The following BMERB1 variants were observed in gnomAD, a reference collection of about 807,000 sequenced individuals.
BMERB1 encodes the protein bMERB domain containing 1, also known as bMERB domain-containing protein 1.
In BMERB1, 12 loss-of-function variants were observed where a neutral mutation model predicts 23.6. The ratio of observed to expected loss-of-function variants is 0.51; its 90% CI spans 0.33 to 0.82. BMERB1 has a LOEUF of 0.82. BMERB1 is among the 40% of genes least tolerant of loss of function. The pLI is 0.03. For synonymous variants in BMERB1, 122 were observed against 96.6 expected, an observed-to-expected ratio of 1.26 and a Z score of -1.54; for missense variants, 247 against 255.4, an observed-to-expected ratio of 0.97 and a Z score of 0.22.
At chr16:15,512,012 C>CAAAAAAA (rs57021793) in intron 1 of BMERB1, among the ~76,000 whole-genome samples, 2,522 of 60,962 alleles carry the variant, frequency 0.041, 231 homozygotes, top group East Asian at 0.08. Context: ...GACTTGCTCT[C>CAAAAAAA]AAAAAAAAAA....
At chr16:15,454,662 C>T (rs1364915935) in intron 1 of BMERB1, among the ~76,000 whole-genome samples, 1 of 152,064 alleles carries the variant, frequency 6.6e-6, no homozygotes, top group Non-Finnish European at 1.5e-5. Flanking sequence ...TGTGATGGCA[C>T]ATGCTTTTAG....
intron 1 of BMERB1, among the ~76,000 whole-genome samples, chr16:15,465,957 G>A (rs2051176958): frequency 6.6e-6 from 1 of 152,122 alleles, no homozygotes; most frequent in Non-Finnish European, 1.5e-5. Flanking sequence ...TTTCTAATAG[G>A]TGAATATACC....
intron 2 of BMERB1, among the ~76,000 whole-genome samples, chr16:15,546,554 C>T (rs2150964651): frequency 6.6e-6 from 1 of 152,132 alleles, no homozygotes; most frequent in East Asian, 1.9e-4. Flanking sequence ...GGGAAAAAGC[C>T]TGGAAAATAC....
At chr16:15,526,438 G>A (rs900347808) in intron 2 of BMERB1, among the ~76,000 whole-genome samples, 10 of 152,102 alleles carry the variant, frequency 6.6e-5, no homozygotes, top group Non-Finnish European at 1.5e-4. Flanking sequence ...GGCTGAGGTG[G>A]GTGGATCACA....
chr16:15,444,293 T>C (rs2050971630), intron 1 of BMERB1, among the ~76,000 whole-genome samples: 1 of 151,656 alleles, frequency 6.6e-6, no homozygotes, highest in Non-Finnish European at 1.5e-5. Context: ...AAAGATAGAA[T>C]CAATTCATTT....
chr16:15,584,027 C>G, intron 5 of BMERB1: 4 of 702,276 alleles, frequency 5.7e-6, no homozygotes, highest in Non-Finnish European at 5.2e-6. Flanking sequence ...TCTGGAGAAG[C>G]CAGAAGCATA....
chr16:15,548,966 G>C (rs2030002204), intron 2 of BMERB1, among the ~76,000 whole-genome samples: 1 of 152,060 alleles, frequency 6.6e-6, no homozygotes, highest in African/African-American at 2.4e-5. Context: ...GGTGGGAAGA[G>C]GGCAGGGGAG....
chr16:15,489,606 A>G (rs184830377), intron 1 of BMERB1, among the ~76,000 whole-genome samples: 2 of 152,054 alleles, frequency 1.3e-5, no homozygotes, highest in African/African-American at 4.8e-5. Flanking sequence ...TGGGTCAACC[A>G]CTCACCACTC....
chr16:15,489,726 T>A (rs2051401719), intron 1 of BMERB1, among the ~76,000 whole-genome samples: 2 of 152,254 alleles, frequency 1.3e-5, no homozygotes, highest in South Asian at 4.2e-4. Context: ...AGGGGACTGT[T>A]GACATTTACT....
intron 1 of BMERB1, among the ~76,000 whole-genome samples, chr16:15,504,523 C>T (rs1416377618): frequency 6.6e-6 from 1 of 151,640 alleles, no homozygotes; most frequent in Non-Finnish European, 1.5e-5. Flanking sequence ...TCATAGATCA[C>T]TGAAGCCCTC....
chr16:15,548,916 A>T (rs75513753), intron 2 of BMERB1, among the ~76,000 whole-genome samples: 2,125 of 152,290 alleles, frequency 0.014, 58 homozygotes, highest in African/African-American at 0.05. Flanking sequence ...AAGCTGAGAC[A>T]GTGGTCCTAG....
chr16:15,506,452 G>C (rs141501499), intron 1 of BMERB1, among the ~76,000 whole-genome samples: 2 of 152,124 alleles, frequency 1.3e-5, no homozygotes, highest in Non-Finnish European at 2.9e-5. Flanking sequence ...GATTACAGGC[G>C]TGAGCCACTG....
intron 1 of BMERB1, among the ~76,000 whole-genome samples, chr16:15,449,272 C>T (rs1699021661): frequency 6.6e-6 from 1 of 152,128 alleles, no homozygotes; most frequent in South Asian, 2.1e-4. Context: ...GGCCATTATC[C>T]TAAGTGAACT....
intron 1 of BMERB1, among the ~76,000 whole-genome samples, chr16:15,495,549 G>A (rs149656500): frequency 0.011 from 1,676 of 152,138 alleles, 19 homozygotes; most frequent in Non-Finnish European, 0.019. Context: ...GTATTTTTTA[G>A]TAGAGGTGGG....
chr16:15,463,606 G>A (rs2051155389), intron 1 of BMERB1, among the ~76,000 whole-genome samples: 1 of 152,052 alleles, frequency 6.6e-6, no homozygotes, highest in Non-Finnish European at 1.5e-5. Context: ...TAGCTTTCAC[G>A]TGGCCTCCTC....
At chr16:15,498,029 C>T (rs2051491404) in intron 1 of BMERB1, among the ~76,000 whole-genome samples, 1 of 152,150 alleles carries the variant, frequency 6.6e-6, no homozygotes. Flanking sequence ...CATACCAACC[C>T]TTGAGATAGA....
At chr16:15,581,785 T>C (rs1012492994) in intron 4 of BMERB1, among the ~76,000 whole-genome samples, 8 of 152,210 alleles carry the variant, frequency 5.3e-5, no homozygotes, top group African/African-American at 1.9e-4. Flanking sequence ...TATCAGGGTC[T>C]TCTCTTTGCA....
chr16:15,485,184 A>G (rs1301503929), intron 1 of BMERB1, among the ~76,000 whole-genome samples: 1 of 152,104 alleles, frequency 6.6e-6, no homozygotes, highest in African/African-American at 2.4e-5. Context: ...GGGAGAGGGG[A>G]AGAGGTGGCG....
At position 15,581,347 on chromosome 16, in the gene BMERB1, G is replaced by A; in HGVS notation, c.419+16G>A. ...AGCGGTTAAGGTGAGTGCACTGCGG[G>A]TACCCGATCACTGGGCTGCAGGACA... On this transcript the variant is annotated intron_variant, in intron 4 of 5. Transcript: ENST00000300006. 6.2e-7 allele frequency: 1 copy of A among 1,601,080 alleles called. No homozygotes were observed. The highest frequency in any genetic ancestry group is 8.5e-7 in the Non-Finnish European group (1 of 1,170,370).
Sources: allele counts gnomAD v4.1 joint callset (sites outside exome capture counted in the v4.1 genomes callset), GRCh38; gene constraint gnomAD v4.1.1; transcripts MANE v1.5; gene names NCBI Gene and HGNC (gene_info 2026-07-23, HGNC 2026-07-21).